RPS6KC1: variants seen among roughly 807,000 people sequenced by gnomAD.
RPS6KC1 encodes the protein ribosomal protein S6 kinase C1.
Under a neutral mutation model 103.8 loss-of-function variants are expected in RPS6KC1, and 54 were observed. The ratio of observed to expected loss-of-function variants is 0.52; its 90% CI spans 0.42 to 0.65. RPS6KC1 has a LOEUF of 0.65. RPS6KC1 is among the 30% of genes least tolerant of loss of function. The pLI, the probability that RPS6KC1 is intolerant of heterozygous loss-of-function variation, is 0.00. For synonymous variants in RPS6KC1, 439 were observed against 438.7 expected (o/e 1.00, Z -0.01); for missense variants, 1,151 against 1,253.8 (o/e 0.92, Z 1.24).
At chr1:213,215,758 A>T (rs1196099991) in intron 8 of RPS6KC1, among the ~76,000 whole-genome samples, 2 of 152,238 alleles carry the variant, frequency 1.3e-5, no homozygotes, top group Non-Finnish European at 2.9e-5. Flanking sequence ...TTAACCCAGA[A>T]TTTCATATCC....
chr1:213,321,210 T>C, the RPS6KC1 span, among the ~76,000 whole-genome samples: 11 of 152,252 alleles, frequency 7.2e-5, no homozygotes, highest in Admixed American at 7.2e-4. Flanking sequence ...AACTCCATTT[T>C]ATCAAAGTCC....
At chr1:213,356,222 T>G in the RPS6KC1 span, among the ~76,000 whole-genome samples, 1 of 152,134 alleles carries the variant, frequency 6.6e-6, no homozygotes, top group Non-Finnish European at 1.5e-5. Flanking sequence ...CTAGGAAGAG[T>G]AATTACAGGC....
chr1:213,360,741 C>T, the RPS6KC1 span, among the ~76,000 whole-genome samples: 10 of 152,102 alleles, frequency 6.6e-5, no homozygotes, highest in African/African-American at 1.9e-4. Flanking sequence ...GTTTTGGTGT[C>T]GATGTCCTTT....
At chr1:213,633,768 T>C in the RPS6KC1 span, among the ~76,000 whole-genome samples, 1 of 149,672 alleles carries the variant, frequency 6.7e-6, no homozygotes, top group African/African-American at 2.5e-5. Flanking sequence ...GGATAAAGCG[T>C]CAAGACCCAT....
chr1:213,158,026 T>A (rs2090089545), intron 6 of RPS6KC1, among the ~76,000 whole-genome samples: 1 of 152,250 alleles, frequency 6.6e-6, no homozygotes, highest in South Asian at 2.1e-4. Context: ...TCCATTTTTT[T>A]ATTTACAACC....
the RPS6KC1 span, among the ~76,000 whole-genome samples, chr1:213,352,353 A>G: frequency 6.6e-6 from 1 of 152,232 alleles, no homozygotes; most frequent in Admixed American, 6.5e-5. Flanking sequence ...CTGTGTATCA[A>G]GTAATAAGTA....
chr1:213,082,095 A>C (rs1173600424), intron 3 of RPS6KC1, among the ~76,000 whole-genome samples: 1 of 151,938 alleles, frequency 6.6e-6, no homozygotes, highest in African/African-American at 2.4e-5. Flanking sequence ...GGCTTTGAGG[A>C]GTGTTGGTGA....
chr1:213,859,193 C>T, the RPS6KC1 span, among the ~76,000 whole-genome samples: 1 of 152,178 alleles, frequency 6.6e-6, no homozygotes, highest in African/African-American at 2.4e-5. Context: ...AAGAGAGAAT[C>T]TCACAAGAAA....
In RPS6KC1 at chr1:213,239,015, A is replaced by G. The variant is rs75892267; in HGVS notation, c.1226-1687A>G. ...TATTGTTGTCAATAGACTAAAGAAT[A>G]TAGACTCAATGCATAGCTCCTTTTA... On this transcript the variant is annotated intron_variant, in intron 10 of 14. Coordinates refer to ENST00000366960, the MANE Select transcript of RPS6KC1 (RefSeq NM_012424.6). 9.2e-3 allele frequency among the ~76,000 whole-genome samples: 1,409 copies of G among 152,336 alleles called. 44 individuals carry two copies. Among genetic ancestry groups the G allele is most frequent in the East Asian group, 0.071 (366 of 5,190 alleles).
intron 12 of RPS6KC1, among the ~76,000 whole-genome samples, chr1:213,255,716 G>A (rs925963465): frequency 1.3e-5 from 2 of 152,098 alleles, no homozygotes; most frequent in African/African-American, 4.8e-5. Flanking sequence ...ACCAAATAAA[G>A]TCCTTTGTTC....
At chr1:213,394,128 C>T in the RPS6KC1 span, among the ~76,000 whole-genome samples, 5 of 151,950 alleles carry the variant, frequency 3.3e-5, no homozygotes, top group African/African-American at 4.8e-5. Flanking sequence ...GTGCAGAGTC[C>T]GAAGTTCTGT....
At chr1:213,195,442 A>C (rs894830408) in intron 8 of RPS6KC1, among the ~76,000 whole-genome samples, 4 of 152,032 alleles carry the variant, frequency 2.6e-5, no homozygotes, top group Admixed American at 1.3e-4. Flanking sequence ...AAAAATTCGT[A>C]ACGTGTTTAT....
chr1:213,644,603 A>G, the RPS6KC1 span, among the ~76,000 whole-genome samples: 3 of 151,374 alleles, frequency 2.0e-5, no homozygotes, highest in African/African-American at 7.3e-5. Context: ...AGAATCTCAT[A>G]TAGTTGGAAT....
the RPS6KC1 span, among the ~76,000 whole-genome samples, chr1:213,716,919 A>T: frequency 6.6e-6 from 1 of 152,212 alleles, no homozygotes; most frequent in Non-Finnish European, 1.5e-5. Flanking sequence ...AACCGATGCA[A>T]ACTAGAAAGA....
chr1:213,064,650 G>A (rs2078143619), intron 1 of RPS6KC1, among the ~76,000 whole-genome samples: 1 of 150,564 alleles, frequency 6.6e-6, no homozygotes, highest in Non-Finnish European at 1.5e-5. Flanking sequence ...TTACAGGTGT[G>A]AGCCACTGCG....
the RPS6KC1 span, among the ~76,000 whole-genome samples, chr1:213,339,633 C>A: frequency 6.6e-6 from 1 of 152,234 alleles, no homozygotes; most frequent in African/African-American, 2.4e-5. Flanking sequence ...CTTTCATGTT[C>A]ATTACCTCAT....
chr1:213,140,051 C>T (rs937180456), intron 6 of RPS6KC1, among the ~76,000 whole-genome samples: 14 of 151,984 alleles, frequency 9.2e-5, no homozygotes, highest in African/African-American at 3.1e-4. Flanking sequence ...TTGTAGAGAT[C>T]GTTTACCTCC....
At chr1:213,309,307 AC>A in the RPS6KC1 span, among the ~76,000 whole-genome samples, 3 of 152,084 alleles carry the variant, frequency 2.0e-5, no homozygotes, top group African/African-American at 7.2e-5. Flanking sequence ...ACAAACAAAA[AC>A]AAACAAACAA....
At chr1:213,516,159 A>G in the RPS6KC1 span, among the ~76,000 whole-genome samples, 1 of 152,266 alleles carries the variant, frequency 6.6e-6, no homozygotes, top group East Asian at 1.9e-4. Flanking sequence ...TAGATATACA[A>G]TCATGTCATC....
Sources: gnomAD v4.1 joint callset for allele counts (sites outside exome capture counted in the v4.1 genomes callset) on GRCh38, gnomAD v4.1.1 for gene constraint, MANE v1.5 for transcripts, NCBI Gene and HGNC (gene_info 2026-07-23, HGNC 2026-07-21) for gene names.